The following NRG1 variants were observed in gnomAD, a reference collection of about 807,000 sequenced individuals.
NRG1 encodes the protein neuregulin 1.
In NRG1, 18 loss-of-function variants were observed where a neutral mutation model predicts 63.8. That is an observed-to-expected ratio of 0.28 (90% CI 0.19 to 0.42). The LOEUF (loss-of-function observed/expected upper bound fraction) is 0.42, where lower values mean the gene tolerates loss of function less well. Among genes scored for constraint, NRG1 ranks in the 10% least tolerant of loss-of-function variants. The pLI, the probability that NRG1 is intolerant of heterozygous loss-of-function variation, is 1.00. For missense variants in NRG1, 762 were observed against 814.7 expected, an observed-to-expected ratio of 0.94 and a Z score of 0.79; for synonymous variants, 302 against 301.3, an observed-to-expected ratio of 1.00 and a Z score of -0.02.
At chr8:32,477,812 C>T (rs760281589) in intron 1 of NRG1, among the ~76,000 whole-genome samples, 5 of 152,162 alleles carry the variant, frequency 3.3e-5, no homozygotes, top group Non-Finnish European at 7.3e-5. Flanking sequence ...TTTGGTCTCT[C>T]ACAATACATA....
intron 1 of NRG1, among the ~76,000 whole-genome samples, chr8:31,780,691 A>G (rs1819598409): frequency 6.6e-6 from 1 of 152,172 alleles, no homozygotes; most frequent in East Asian, 1.9e-4. Flanking sequence ...TTTTTCCTCC[A>G]AGTGGTTAAT....
At chr8:31,688,407 A>C (rs527390891) in intron 1 of NRG1, among the ~76,000 whole-genome samples, 1 of 152,138 alleles carries the variant, frequency 6.6e-6, no homozygotes, top group African/African-American at 2.4e-5. Flanking sequence ...GCCCTCACTC[A>C]ATCTGCTGGT....
intron 1 of NRG1, among the ~76,000 whole-genome samples, chr8:32,154,448 T>G (rs1837841034): frequency 6.6e-6 from 1 of 151,950 alleles, no homozygotes; most frequent in Non-Finnish European, 1.5e-5. Flanking sequence ...TCTTCCTTCC[T>G]GGCACCCCCC....
At chr8:32,580,889 T>C (rs901469746) in intron 1 of NRG1, among the ~76,000 whole-genome samples, 12 of 152,190 alleles carry the variant, frequency 7.9e-5, no homozygotes, top group Admixed American at 3.3e-4. Flanking sequence ...TATTAGTTGG[T>C]TATATACTGA....
At chr8:31,826,322 T>G in intron 1 of NRG1, among the ~76,000 whole-genome samples, 1 of 152,166 alleles carries the variant, frequency 6.6e-6, no homozygotes, top group East Asian at 1.9e-4. Flanking sequence ...AGGAGGGACC[T>G]GGCAGGAGGT....
At chr8:31,868,860 G>T (rs559084921) in intron 1 of NRG1, among the ~76,000 whole-genome samples, 92 of 152,306 alleles carry the variant, frequency 6.0e-4, no homozygotes, top group African/African-American at 1.9e-3. Flanking sequence ...ATCAACTTGC[G>T]TCTATATGAT....
chr8:31,755,904 G>T (rs1276724264), intron 1 of NRG1, among the ~76,000 whole-genome samples: 2 of 152,066 alleles, frequency 1.3e-5, no homozygotes, highest in African/African-American at 4.8e-5. Context: ...TTTCCCATAG[G>T]ATCAAGCTTG....
intron 1 of NRG1, among the ~76,000 whole-genome samples, chr8:31,959,832 T>C (rs555036504): frequency 2.4e-3 from 325 of 137,770 alleles, no homozygotes; most frequent in African/African-American, 5.5e-3. Context: ...TTTATTTATT[T>C]ATTTATTATA....
chr8:32,536,906 G>C (rs1832031058), intron 1 of NRG1, among the ~76,000 whole-genome samples: 1 of 99,892 alleles, frequency 1.0e-5, no homozygotes, highest in Non-Finnish European at 1.8e-5. Flanking sequence ...CTGGGCGATG[G>C]AGCAAGACTC....
chr8:32,139,363 G>A (rs1835952228), intron 1 of NRG1: 1 of 152,146 alleles, frequency 6.6e-6, no homozygotes, highest in Admixed American at 6.5e-5. Flanking sequence ...GAATGGGAGC[G>A]AGAACCGCCT....
chr8:31,892,266 C>T (rs1831208659), intron 1 of NRG1, among the ~76,000 whole-genome samples: 1 of 152,092 alleles, frequency 6.6e-6, no homozygotes, highest in Non-Finnish European at 1.5e-5. Context: ...GTTGAAATAA[C>T]AATTTCAGAA....
At chr8:32,288,748 G>C (rs1258608748) in intron 1 of NRG1, among the ~76,000 whole-genome samples, 1 of 152,102 alleles carries the variant, frequency 6.6e-6, no homozygotes, top group Admixed American at 6.5e-5. Flanking sequence ...GAAGGGGAGG[G>C]GGAGGTAAGA....
intron 1 of NRG1, among the ~76,000 whole-genome samples, chr8:32,320,270 A>G (rs974104277): frequency 9.9e-5 from 15 of 152,186 alleles, no homozygotes; most frequent in African/African-American, 3.1e-4. Flanking sequence ...GAATTCTGGC[A>G]TCATCTTTTA....
intron 1 of NRG1, among the ~76,000 whole-genome samples, chr8:32,370,347 A>G (rs1436796453): frequency 1.3e-5 from 2 of 152,188 alleles, no homozygotes; most frequent in African/African-American, 2.4e-5. Flanking sequence ...GTGTCCAAGT[A>G]ATATTGGTAG....
At chr8:31,933,458 G>A (rs991226273) in intron 1 of NRG1, among the ~76,000 whole-genome samples, 3 of 151,702 alleles carry the variant, frequency 2.0e-5, no homozygotes, top group African/African-American at 7.3e-5. Context: ...TTTTTTGTAT[G>A]TTTAGTAGAA....
intron 1 of NRG1, among the ~76,000 whole-genome samples, chr8:32,557,769 G>T (rs1384096804): frequency 6.6e-6 from 1 of 152,114 alleles, no homozygotes; most frequent in Non-Finnish European, 1.5e-5. Flanking sequence ...GGAAATGAGC[G>T]GGTAGGTTTG....
At chr8:31,830,366 C>A (rs930845965) in intron 1 of NRG1, among the ~76,000 whole-genome samples, 3 of 146,556 alleles carry the variant, frequency 2.0e-5, no homozygotes, top group African/African-American at 7.7e-5. Flanking sequence ...TCCTTCCCTC[C>A]TTCCCTCCTT....
rs1040796009 is a variant in NRG1, at chr8:31,856,249, C to T, written c.37+216818C>T. Among the ~76,000 whole-genome samples, 271 of 152,314 alleles carry T rather than the reference C, an allele frequency of 1.8e-3. 1 individual carries two copies. In the Middle Eastern group the frequency reaches 0.024, roughly 13 times the overall value. On this transcript the variant is annotated intron_variant, in intron 1 of 10. Coordinates refer to the NRG1 transcript ENST00000519301. ...ATTCTCCCCGTCACTTTCAGGTACA[C>T]CAATCAGACATAGATTTGGTCTTTT...
chr8:32,286,900 G>A (rs1036925791), intron 1 of NRG1, among the ~76,000 whole-genome samples: 1 of 152,164 alleles, frequency 6.6e-6, no homozygotes, highest in African/African-American at 2.4e-5. Flanking sequence ...AGGAGGCTGA[G>A]GCAGGAGAAT....
Sources: allele counts gnomAD v4.1 joint callset (sites outside exome capture counted in the v4.1 genomes callset), GRCh38; gene constraint gnomAD v4.1.1; transcripts MANE v1.5; gene names NCBI Gene and HGNC (gene_info 2026-07-23, HGNC 2026-07-21).